TAF1B: variants seen among roughly 807,000 people sequenced by gnomAD.
TAF1B encodes the protein TATA-box binding protein associated factor, RNA polymerase I subunit B, also known as TATA box-binding protein-associated factor RNA polymerase I subunit B.
A neutral mutation model predicts 83.9 loss-of-function variants in TAF1B; 61 were observed. The observed-to-expected ratio is 0.73, with a 90% CI of 0.59 to 0.90. The LOEUF is 0.90. Among genes scored for constraint, TAF1B ranks in the 40% least tolerant of loss-of-function variants. The pLI is 0.00. For missense variants in TAF1B, 625 were observed against 677.0 expected (o/e 0.92, Z 0.85); for synonymous variants, 221 against 224.6 (o/e 0.98, Z 0.14).
intron 6 of TAF1B, among the ~76,000 whole-genome samples, chr2:9,869,681 G>C (rs1444541785): frequency 1.3e-5 from 2 of 151,254 alleles, no homozygotes; most frequent in African/African-American, 4.9e-5. Context: ...TTTGAGACCA[G>C]CCTGGCCAAC....
chr2:9,875,802 T>G (rs1664304465), intron 6 of TAF1B, 63 bp from the exon 7 acceptor site: 1 of 1,488,530 alleles, frequency 6.7e-7, no homozygotes, highest in African/African-American at 1.4e-5. Context: ...GATTTTTTGC[T>G]GTTTTTCTTT....
rs548200689 is a variant in TAF1B, at chr2:9,843,686, A to C, written c.18+127A>C. On this transcript the variant is annotated intron_variant, in intron 1 of 14. Coordinates refer to ENST00000263663, the MANE Select transcript of TAF1B (RefSeq NM_005680.3). ...CACCGGCTGGAGGAAGGCGGGGCGG[A>C]GGGCTGCAGGGCGGGCTAAGGACTG... 4.0e-5 allele frequency: 44 copies of C among 1,094,006 alleles called. No individual in the cohort carries two copies. The South Asian group carries it at 6.4e-4, about 16-fold the overall frequency. 67.8% of individuals were successfully genotyped at this position (1,094,006 alleles called of 1,614,324 possible).
At chr2:9,930,671 T>A (rs1666185120) in intron 14 of TAF1B, among the ~76,000 whole-genome samples, 1 of 152,200 alleles carries the variant, frequency 6.6e-6, no homozygotes, top group Non-Finnish European at 1.5e-5. Context: ...TCTATAGATG[T>A]CTATTAGGTC....
intron 12 of TAF1B, 115 bp downstream of exon 12, chr2:9,913,364 T>A: frequency 1.3e-6 from 1 of 764,020 alleles, no homozygotes; most frequent in Non-Finnish European, 2.1e-6. Flanking sequence ...CTTTTTTTTC[T>A]GGAAATATTA....
At chr2:9,848,537 A>ACG (rs1558611819) in intron 2 of TAF1B, among the ~76,000 whole-genome samples, 1 of 151,964 alleles carries the variant, frequency 6.6e-6, no homozygotes, top group South Asian at 2.1e-4. Context: ...GTGATGGCGC[A>ACG]TGCCTTTAAT....
chr2:9,849,554 A>G (rs545326553), intron 3 of TAF1B, 94 bp downstream of exon 3: 51 of 915,176 alleles, frequency 5.6e-5, no homozygotes, highest in Non-Finnish European at 7.6e-5. Flanking sequence ...AGTAGGTTCT[A>G]GAGAAAATGC....
intron 6 of TAF1B, among the ~76,000 whole-genome samples, chr2:9,869,756 G>C (rs146780847): frequency 0.063 from 9,557 of 151,638 alleles, 371 homozygotes; most frequent in East Asian, 0.16. Context: ...TGCACCTGTA[G>C]TCCCAGCTTC....
chr2:9,865,126 A>T (rs145168577), intron 5 of TAF1B, among the ~76,000 whole-genome samples: 1 of 152,058 alleles, frequency 6.6e-6, no homozygotes, highest in African/African-American at 2.4e-5. Context: ...AGGGCATGCA[A>T]TTAGGAAAAG....
chr2:9,862,726 T>A (rs927831680), intron 5 of TAF1B, among the ~76,000 whole-genome samples: 1 of 152,214 alleles, frequency 6.6e-6, no homozygotes, highest in Admixed American at 6.5e-5. Context: ...GGGAAGCCCA[T>A]CAGACTAATA....
At chr2:9,844,025 C>T (rs752113972) in intron 1 of TAF1B, among the ~76,000 whole-genome samples, 1 of 152,180 alleles carries the variant, frequency 6.6e-6, no homozygotes, top group Non-Finnish European at 1.5e-5. Context: ...GGTTTGGGAA[C>T]TCCCCAAATT....
At chr2:9,893,293 A>G (rs1330287251) in intron 8 of TAF1B, among the ~76,000 whole-genome samples, 2 of 152,312 alleles carry the variant, frequency 1.3e-5, no homozygotes, top group South Asian at 2.1e-4. Context: ...GTCATTGATT[A>G]TAAGTTATAT....
chr2:9,867,116 T>C (rs1664006494), intron 5 of TAF1B, among the ~76,000 whole-genome samples: 1 of 152,040 alleles, frequency 6.6e-6, no homozygotes, highest in Non-Finnish European at 1.5e-5. Flanking sequence ...GTGGGATAAA[T>C]GATAGCATAT....
intron 4 of TAF1B, among the ~76,000 whole-genome samples, chr2:9,852,470 G>A (rs1362777328): frequency 6.6e-6 from 1 of 151,862 alleles, no homozygotes; most frequent in Non-Finnish European, 1.5e-5. Context: ...GAATAGACAT[G>A]AATTTATATG....
In TAF1B at chr2:9,925,364, C is replaced by T. The variant is rs183217745; in HGVS notation, c.1565+5544C>T. Reference sequence around the variant, plus strand: ...CTGAGGTAGGAGAATGGCATGAACCCGGGAGGCGGAGCTTGCAGTGAGCCA... The same window carrying T: ...CTGAGGTAGGAGAATGGCATGAACCTGGGAGGCGGAGCTTGCAGTGAGCCA... On this transcript the variant is annotated intron_variant, in intron 14 of 14. Transcript: ENST00000263663. Among the ~76,000 whole-genome samples the T allele has an allele frequency of 4.3e-3, 646 of 151,844 alleles. 4 individuals are homozygous for T. The highest frequency in any genetic ancestry group is 7.6e-3 in the Non-Finnish European group (513 of 67,920).
At position 9,934,180 on chromosome 2, in the gene TAF1B, C is replaced by A; in HGVS notation, c.*196C>A. ...GTGAGCTTCATTTGATTTTATTTTT[C>A]AGAGTATGAACATTCTAAGAGAAAG... On this transcript the variant is annotated 3_prime_UTR_variant, in exon 15 of 15. Coordinates refer to ENST00000263663, the MANE Select transcript of TAF1B (RefSeq NM_005680.3). 2.0e-6 allele frequency: 1 copy of A among 501,666 alleles called. No individual in the cohort carries two copies. 31.1% of individuals were successfully genotyped at this position (501,666 alleles called of 1,614,324 possible).
chr2:9,921,331 G>A (rs1558268953), intron 14 of TAF1B, among the ~76,000 whole-genome samples: 2 of 152,096 alleles, frequency 1.3e-5, no homozygotes, highest in Non-Finnish European at 2.9e-5. Flanking sequence ...AGCTCAAGCA[G>A]TCCTCCTGCC....
In TAF1B at chr2:9,849,461, G is replaced by T. The variant is rs1304916140; in HGVS notation, c.205+1G>T. 8 of 1,539,796 alleles carry T rather than the reference G, an allele frequency of 5.2e-6. No homozygotes were observed. Among genetic ancestry groups the T allele is most frequent in the South Asian group, 1.2e-5 (1 of 81,768 alleles). On this transcript the variant is annotated splice_donor_variant, in intron 3 of 14. Transcript: ENST00000263663. LOFTEE classifies it high-confidence loss of function. Reference sequence around the variant, plus strand: ...GGGCTTAAAAAAAAAAACAATACTGGTAAGTTCTTTCTTCATATGTACTTA... The same window carrying T: ...GGGCTTAAAAAAAAAAACAATACTGTTAAGTTCTTTCTTCATATGTACTTA...
At position 9,868,425 on chromosome 2, in the gene TAF1B, A is replaced by G. The variant is rs753717816; in HGVS notation, c.549A>G (p.Gln183=). 1.9e-6 allele frequency: 3 copies of G among 1,610,570 alleles called. No homozygotes were observed. The highest frequency in any genetic ancestry group is 2.7e-5 in the African/African-American group (2 of 74,788). The change falls in exon 6 of 15, where the codon CAA becomes CAG. Residue 183 remains glutamine (Q), a synonymous_variant. Coordinates refer to ENST00000263663, the MANE Select transcript of TAF1B (RefSeq NM_005680.3). ...RKPFPVSKAS[Q]SETSVCSGSL... ...CTTTCCCCGTCAGCAAAGCATCACA[A>G]TCAGGTAAAAATGAGAACCAAACCA...
intron 8 of TAF1B, among the ~76,000 whole-genome samples, chr2:9,904,017 C>T (rs1213562128): frequency 6.6e-6 from 1 of 152,168 alleles, no homozygotes; most frequent in East Asian, 1.9e-4. Flanking sequence ...AAATTTTATT[C>T]AGTAAGTGCA....
Sources: allele counts gnomAD v4.1 joint callset (sites outside exome capture counted in the v4.1 genomes callset), GRCh38; gene constraint gnomAD v4.1.1; transcripts MANE v1.5; gene names NCBI Gene and HGNC (gene_info 2026-07-23, HGNC 2026-07-21).